Variants in GBF1 observed in about 807,000 individuals in gnomAD.
The protein encoded by GBF1 is Golgi-specific brefeldin A-resistance guanine nucleotide exchange factor 1.
Under a neutral mutation model 210.5 loss-of-function variants are expected in GBF1, and 114 were observed. The observed-to-expected ratio is 0.54, with a 90% confidence interval of 0.47 to 0.63. The LOEUF (loss-of-function observed/expected upper bound fraction) is 0.63. Ranked by LOEUF, GBF1 falls within the 30% of genes least tolerant of loss-of-function variation. The probability of loss-of-function intolerance (pLI) is 0.00; values close to 1 mark genes in which losing one functional copy is unlikely to be tolerated. For missense variants in GBF1, 1,851 were observed against 2,357.7 expected (o/e 0.79, Z 4.45); for synonymous variants, 850 against 889.2 (o/e 0.96, Z 0.78).
upstream of GBF1, among the ~76,000 whole-genome samples, chr10:102,245,271 C>T (rs1459900583): frequency 6.6e-6 from 1 of 152,208 alleles, no homozygotes; most frequent in Admixed American, 6.5e-5. Context: ...AACTCCACCT[C>T]TCTAGCCGCC....
upstream of GBF1, chr10:102,241,376 G>A (rs915740020): frequency 3.5e-4 from 53 of 152,806 alleles, no homozygotes; most frequent in Admixed American, 3.0e-3. This position sits in a 1 kb window ranked among gnomAD's most constrained non-coding sequence, Gnocchi z 6.7. Flanking sequence ...GGCGGCTGCG[G>A]CGGCGATCTA....
rs892558150 is a variant in GBF1, at chr10:102,376,323, T to C, written c.3938T>C (p.Leu1313Pro). The C allele has an allele frequency of 1.1e-5, 18 of 1,613,976 alleles. No individual in the cohort carries two copies. Among genetic ancestry groups the C allele is most frequent in the Non-Finnish European group, 1.4e-5 (16 of 1,179,882 alleles). The change falls in exon 31 of 40, where the codon CTG becomes CCG. Residue 1313 changes from leucine to proline, a missense_variant. By Grantham distance (98) the Leu-to-Pro change is moderately conservative. Transcript: ENST00000369983. ...TCCTACCATCAGAATGACGTGAGCC[T>C]GGATCGAGGGTACACTTCCGACTCA... ...LPSYHQNDVS[L>P]DRGYTSDSEV...
the GBF1 span, among the ~76,000 whole-genome samples, chr10:102,239,968 C>T: frequency 6.6e-6 from 1 of 152,248 alleles, no homozygotes; most frequent in African/African-American, 2.4e-5. Flanking sequence ...TTCCATGAGC[C>T]TCCTTCCCAC....
chr10:102,343,979 A>G, intron 3 of GBF1, 72 bp from the exon 4 acceptor site: 1 of 1,336,682 alleles, frequency 7.5e-7, no homozygotes, highest in Non-Finnish European at 1.1e-6. Flanking sequence ...TCATGGCACA[A>G]ACAAGAAACT....
At chr10:102,333,412 G>T (rs557485040) in intron 3 of GBF1, among the ~76,000 whole-genome samples, 1 of 152,092 alleles carries the variant, frequency 6.6e-6, no homozygotes, top group Admixed American at 6.6e-5. Context: ...AGTTATTCCA[G>T]AGGCTTCTGG....
chr10:102,261,115 T>G (rs540208192), intron 3 of GBF1, among the ~76,000 whole-genome samples: 2 of 152,316 alleles, frequency 1.3e-5, no homozygotes, highest in South Asian at 4.1e-4. Flanking sequence ...GTCACACTAA[T>G]CCTAAGAGGT....
chr10:102,271,083 G>C (rs1393095332), intron 3 of GBF1, among the ~76,000 whole-genome samples: 2 of 151,592 alleles, frequency 1.3e-5, no homozygotes, highest in Non-Finnish European at 2.9e-5. Context: ...TTTCGCCCAG[G>C]CTGGACTGCA....
At chr10:102,304,993 GAAAGAAA>G (rs2077716493) in intron 3 of GBF1, among the ~76,000 whole-genome samples, 5 of 332 alleles carry the variant, frequency 0.015, no homozygotes, top group African/African-American at 0.074. Flanking sequence ...TAAAAAAAAA[GAAAGAAA>G]GAAAGAAAGA....
chr10:102,257,289 T>G lies in GBF1; in HGVS notation c.-10-1640T>G, dbSNP rs113841481. 6.3e-3 allele frequency among the ~76,000 whole-genome samples: 952 copies of G among 152,250 alleles called. 10 individuals carry two copies. Among genetic ancestry groups the G allele is most frequent in the African/African-American group, 0.021 (885 of 41,526 alleles). On this transcript the variant is annotated intron_variant, in intron 1 of 39. Coordinates refer to ENST00000369983, the MANE Select transcript of GBF1 (RefSeq NM_001377137.1). ...TCTGGAGCTGACTGGGCAGATTGGA[T>G]GCAGTCATTTGTTTATATTTATATT...
intron 29 of GBF1, among the ~76,000 whole-genome samples, chr10:102,373,715 C>T (rs1205354757): frequency 6.6e-6 from 1 of 152,224 alleles, no homozygotes; most frequent in Non-Finnish European, 1.5e-5. Context: ...AGCTACTCTG[C>T]TGGCAGTTTC....
At chr10:102,334,653 CCTAG>C (rs1180635921) in intron 3 of GBF1, among the ~76,000 whole-genome samples, 1 of 152,086 alleles carries the variant, frequency 6.6e-6, no homozygotes, top group Admixed American at 6.5e-5. Flanking sequence ...TCGAGACCAT[CCTAG>C]CTAATAACGG....
intron 3 of GBF1, among the ~76,000 whole-genome samples, chr10:102,317,674 C>T (rs893680354): frequency 1.3e-5 from 2 of 152,080 alleles, no homozygotes; most frequent in East Asian, 3.9e-4. Flanking sequence ...AGTCCAATCA[C>T]CTAAAGATAA....
In GBF1 at chr10:102,379,871, A is replaced by T; in HGVS notation, c.4795A>T (p.Thr1599Ser). The T allele has an allele frequency of 6.2e-7, 1 of 1,613,220 alleles. No homozygotes were observed. Reference sequence around the variant, plus strand: ...CCACCAGGTGCTGTTTCCTCTACTTACCAAGCTCTTGGAGAACATCAGCCC... The same window carrying T: ...CCACCAGGTGCTGTTTCCTCTACTTTCCAAGCTCTTGGAGAACATCAGCCC... ...CFNKVLFPLL[T>S]KLLENISPAD... The change falls in exon 36 of 40, where the codon ACC (threonine) becomes TCC (serine). Residue 1599 changes from threonine to serine, a missense_variant. Transcript: ENST00000369983.
rs1043084338 is a variant in GBF1 at position 102,245,643 on chromosome 10, G to T, written c.-149G>T. On this transcript the variant is annotated 5_prime_UTR_variant, in exon 1 of 40. It adds an upstream start codon to the 5' untranslated region. Coordinates refer to ENST00000369983, the MANE Select transcript of GBF1 (RefSeq NM_001377137.1). ...ACCCTGACTTCGGCCTCAATTTCCA[G>T]GAAACAGGCTCCTTCTCTTCTCCCA... 6.6e-6 allele frequency: 1 copy of T among 152,244 alleles called. No homozygotes were observed. The highest frequency in any genetic ancestry group is 2.4e-5 in the African/African-American group (1 of 41,434). The allele number at this position is 152,244 out of a possible 1,614,324, so 9.4% of individuals were successfully genotyped here.
At chr10:102,287,114 ATTCT>A (rs1460960904) in intron 3 of GBF1, among the ~76,000 whole-genome samples, 1 of 152,020 alleles carries the variant, frequency 6.6e-6, no homozygotes, top group Admixed American at 6.6e-5. Context: ...TTTGCAGATG[ATTCT>A]TTCTCAACCA....
At chr10:102,300,419 A>G (rs1266556342) in intron 3 of GBF1, among the ~76,000 whole-genome samples, 2 of 152,224 alleles carry the variant, frequency 1.3e-5, no homozygotes, top group Non-Finnish European at 2.9e-5. Flanking sequence ...TTAAGGTCGC[A>G]GTGGCATTGT....
the GBF1 span, among the ~76,000 whole-genome samples, chr10:102,237,789 A>C: frequency 1.3e-5 from 2 of 151,972 alleles, no homozygotes; most frequent in African/African-American, 2.4e-5. Context: ...TTAATATAAA[A>C]CCCCCCAATC....
chr10:102,242,928 C>CAAAAAAAAA (rs58301527), upstream of GBF1, among the ~76,000 whole-genome samples: 7 of 132,406 alleles, frequency 5.3e-5, no homozygotes, highest in African/African-American at 1.7e-4. Context: ...GACTCTGTCT[C>CAAAAAAAAA]AAAAAAAAAA....
Position 102,370,712 on chromosome 10 carries a change from G to A in GBF1, c.3512G>A (p.Arg1171His), listed in dbSNP as rs367953312. ...ATTCCTTTATGTCTACACAGGGATC[G>A]TGTGGGCTGTGTGTGGCAGACTGTT... ...LLRIVLENRD[R>H]VGCVWQTVRD... The change falls in exon 29 of 40, where the codon CGT becomes CAT. Residue 1171 changes from arginine to histidine, a missense_variant. Transcript: ENST00000369983. 15 of 1,613,844 alleles carry A rather than the reference G, an allele frequency of 9.3e-6. No homozygotes were observed. The highest frequency in any genetic ancestry group is 1.7e-4 in the Middle Eastern group (1 of 6,058).
Sources: allele counts gnomAD v4.1 joint callset (sites outside exome capture counted in the v4.1 genomes callset), GRCh38; gene constraint gnomAD v4.1.1; non-coding constraint Gnocchi (gnomAD v3.1); transcripts MANE v1.5; gene names NCBI Gene and HGNC (gene_info 2026-07-23, HGNC 2026-07-21).